Variants in IL16 observed in about 807,000 individuals in gnomAD.
IL16 encodes the protein interleukin 16, also known as pro-interleukin-16.
A neutral mutation model predicts 110.1 loss-of-function variants in IL16; 67 were observed. The observed-to-expected ratio is 0.61, with a 90% CI of 0.50 to 0.75. IL16 has a LOEUF of 0.75. IL16 is among the 30% of genes least tolerant of loss of function. IL16 has a pLI of 0.00. For missense variants in IL16, 1,545 were observed against 1,655.0 expected (o/e 0.93, Z 1.15); for synonymous variants, 689 against 662.9 (o/e 1.04, Z -0.61).
intron 1 of IL16, among the ~76,000 whole-genome samples, chr15:81,202,859 C>G (rs948693404): frequency 2.6e-5 from 4 of 152,164 alleles, no homozygotes; most frequent in African/African-American, 9.7e-5. Flanking sequence ...ATGGCTGGGT[C>G]AAATGGTATT....
At chr15:81,243,601 G>A (rs1297265003) in intron 2 of IL16, among the ~76,000 whole-genome samples, 1 of 151,942 alleles carries the variant, frequency 6.6e-6, no homozygotes, top group Non-Finnish European at 1.5e-5. Flanking sequence ...TGTATTTTCT[G>A]CCATTTTCTG....
At chr15:81,265,950 A>AGGT in intron 4 of IL16, 149 bp downstream of exon 4, 1 of 728,680 alleles carries the variant, frequency 1.4e-6, no homozygotes, top group Non-Finnish European at 2.2e-6. Flanking sequence ...AGCTGCAAGA[A>AGGT]GGTACAACCA....
At chr15:81,182,827 G>T (rs757086188) in exon 1 of IL16, 54 of 1,286,914 alleles carry the variant, frequency 4.2e-5, no homozygotes, top group Non-Finnish European at 5.4e-5. Context: ...ACTTTTCACA[G>T]CTCTCTCTCC....
At chr15:81,276,028 A>G (rs1024883812) in intron 6 of IL16, among the ~76,000 whole-genome samples, 7 of 152,208 alleles carry the variant, frequency 4.6e-5, no homozygotes, top group African/African-American at 1.4e-4. Context: ...ACTTAAAGAG[A>G]AGTCTAGCCC....
intron 1 of IL16, among the ~76,000 whole-genome samples, chr15:81,204,545 T>C (rs1895940197): frequency 6.6e-6 from 1 of 152,116 alleles, no homozygotes; most frequent in Non-Finnish European, 1.5e-5. Flanking sequence ...GTTGTTGAAT[T>C]TTCTCAAAGG....
chr15:81,268,908 G>A (rs150845577), intron 4 of IL16, among the ~76,000 whole-genome samples: 24 of 152,324 alleles, frequency 1.6e-4, no homozygotes, highest in African/African-American at 3.1e-4. Context: ...AAGGTCACCC[G>A]CCAGCTGATA....
chr15:81,197,052 G>T lies in IL16; in HGVS notation c.-202G>T, dbSNP rs965821440. 8 of 1,288,608 alleles carry T rather than the reference G, an allele frequency of 6.2e-6. No homozygotes were observed. The Admixed American group carries it at 1.1e-4, about 19-fold the overall frequency. The allele number at this position is 1,288,608 out of a possible 1,614,324, so 79.8% of individuals were successfully genotyped here. On this transcript the variant is annotated 5_prime_UTR_variant, in exon 1 of 19. Coordinates refer to ENST00000683961, the MANE Select transcript of IL16 (RefSeq NM_172217.5). ...CCCAGGCCTGGGCCACAGGCTGTCC[G>T]GGAATAAGTGGTGCTGCAATCCCTG... is the stretch of plus-strand genomic sequence containing the variant.
rs765824437 is a variant in IL16 at position 81,285,199 on chromosome 15, A to T, written c.1200-499A>T. Among the ~76,000 whole-genome samples, 2 of 151,384 alleles carry T rather than the reference A, an allele frequency of 1.3e-5. 1 individual carries two copies. Among genetic ancestry groups the T allele is most frequent in the Non-Finnish European group, 2.9e-5 (2 of 67,928 alleles). ...AAGAATCTCAACTGCTCTCCTGTTG[A>T]GTTATTTTTTCTCTGCCTTTTAGCA... On this transcript the variant is annotated intron_variant, in intron 9 of 18. Coordinates refer to ENST00000683961, the MANE Select transcript of IL16 (RefSeq NM_172217.5).
At chr15:81,229,623 G>T (rs924605486) in intron 2 of IL16, among the ~76,000 whole-genome samples, 10 of 152,156 alleles carry the variant, frequency 6.6e-5, no homozygotes, top group Non-Finnish European at 1.3e-4. Context: ...AGCAAGTCCT[G>T]CAATCAAAGG....
chr15:81,243,164 T>TATATACATATA (rs60077602), intron 2 of IL16, among the ~76,000 whole-genome samples: 6 of 15,746 alleles, frequency 3.8e-4, no homozygotes, highest in East Asian at 1.3e-3. Flanking sequence ...TATATATATA[T>TATATACATATA]TTTTTTTTTT....
intron 1 of IL16, among the ~76,000 whole-genome samples, chr15:81,209,298 G>GA (rs1896148382): frequency 6.6e-6 from 1 of 152,132 alleles, no homozygotes. Flanking sequence ...CGTCCTGGGG[G>GA]AGGTGGCTGT....
At chr15:81,186,220 T>G (rs1895417148) in intron 1 of IL16, among the ~76,000 whole-genome samples, 1 of 152,260 alleles carries the variant, frequency 6.6e-6, no homozygotes, top group African/African-American at 2.4e-5. Flanking sequence ...GCATGAGCAC[T>G]GACTCATTTG....
At chr15:81,291,540 T>A (rs1052128697) in intron 11 of IL16, among the ~76,000 whole-genome samples, 1 of 152,220 alleles carries the variant, frequency 6.6e-6, no homozygotes, top group Non-Finnish European at 1.5e-5. Context: ...TCTGGCTTTC[T>A]TGGTCTCTCA....
chr15:81,220,122 A>G (rs4464041), intron 1 of IL16, among the ~76,000 whole-genome samples: 20,899 of 152,074 alleles, frequency 0.14, 1,883 homozygotes, highest in East Asian at 0.37. Flanking sequence ...TGCAGATCCA[A>G]TGGAATCCTA....
At chr15:81,284,549 C>G (rs1000576423) in intron 9 of IL16, among the ~76,000 whole-genome samples, 1 of 152,186 alleles carries the variant, frequency 6.6e-6, no homozygotes, top group Non-Finnish European at 1.5e-5. Flanking sequence ...TTCTGCTTTC[C>G]TTAGCATCTG....
chr15:81,300,188 C>T lies in IL16; in HGVS notation c.2862C>T (p.Gly954=), dbSNP rs1900204773. The T allele has an allele frequency of 1.2e-6, 2 of 1,614,098 alleles. No homozygotes were observed. Among genetic ancestry groups the T allele is most frequent in the African/African-American group, 1.3e-5 (1 of 74,944 alleles). ...CAACACAGGCTGAGGAATCTCAAGGCCCAGTGCTCAAGATGCCTAGCCAGC... is the reference window on the plus strand; with the variant it reads ...CAACACAGGCTGAGGAATCTCAAGGTCCAGTGCTCAAGATGCCTAGCCAGC... ...LLSTQAEESQ[G]PVLKMPSQRA... is the part of the protein sequence containing the mutation. Residue 954 remains glycine (G), a synonymous_variant, in exon 14 of 19, where the codon GGC becomes GGT. Coordinates refer to ENST00000683961, the MANE Select transcript of IL16 (RefSeq NM_172217.5).
chr15:81,301,360 G>A lies in IL16; in HGVS notation c.3166G>A (p.Glu1056Lys). The A allele has an allele frequency of 6.2e-7, 1 of 1,608,604 alleles. No homozygotes were observed. The highest frequency in any genetic ancestry group is 1.1e-5 in the South Asian group (1 of 89,784). Residue 1056 changes from glutamate to lysine, a missense_variant, in exon 15 of 19, where the codon GAA becomes AAA. This residue lies in a region of IL16 where 356 missense variants were observed against 399.3 expected (regional missense o/e 0.89). Coordinates refer to ENST00000683961, the MANE Select transcript of IL16 (RefSeq NM_172217.5). ...TTATGAAAGCCTTTCAGAGCTGAGA[G>A]AATATACAGAGGGTCTCACGGAAGC... is the stretch of plus-strand genomic sequence containing the variant. ...GFSLNLSELR[E>K]YTEGLTEAKE...
At chr15:81,209,533 C>CT (rs955555864) in intron 1 of IL16, among the ~76,000 whole-genome samples, 7 of 151,950 alleles carry the variant, frequency 4.6e-5, no homozygotes, top group African/African-American at 1.7e-4. Context: ...CTCTCTTGTT[C>CT]TTTTTTTTAA....
At chr15:81,286,611 G>A (rs1014185725) in intron 10 of IL16, among the ~76,000 whole-genome samples, 5 of 152,180 alleles carry the variant, frequency 3.3e-5, no homozygotes, top group African/African-American at 1.2e-4. Context: ...TGTAGAAGGA[G>A]CATGTTCATA....
Sources: allele counts gnomAD v4.1 joint callset (sites outside exome capture counted in the v4.1 genomes callset), GRCh38; gene constraint gnomAD v4.1.1; regional missense constraint gnomAD v4.1.1; transcripts MANE v1.5; gene names NCBI Gene and HGNC (gene_info 2026-07-23, HGNC 2026-07-21).